KLRF1: variants seen among roughly 807,000 people sequenced by gnomAD.
The protein encoded by KLRF1 is killer cell lectin like receptor F1.
In KLRF1, 27 loss-of-function variants were observed where a neutral mutation model predicts 30.7. The observed-to-expected ratio is 0.88, with a 90% CI of 0.65 to 1.21. The LOEUF is 1.21. KLRF1 is among the 50% of genes most tolerant of loss of function. The pLI, the probability that KLRF1 is intolerant of heterozygous loss-of-function variation, is 0.00. For missense variants in KLRF1, 246 were observed against 259.3 expected, an observed-to-expected ratio of 0.95 and a Z score of 0.35; for synonymous variants, 92 against 89.3, an observed-to-expected ratio of 1.03 and a Z score of -0.17.
chr12:9,836,740 T>C (rs1358429967), intron 3 of KLRF1, among the ~76,000 whole-genome samples: 1 of 152,120 alleles, frequency 6.6e-6, no homozygotes, highest in Non-Finnish European at 1.5e-5. Context: ...GTTTTACAGG[T>C]ATATTTCCCA....
chr12:9,806,046 C>T, the KLRF1 span, among the ~76,000 whole-genome samples: 8 of 151,412 alleles, frequency 5.3e-5, no homozygotes, highest in South Asian at 4.2e-4. Flanking sequence ...CTTTCTTTTT[C>T]CCTTCTTTCT....
At chr12:9,823,898 C>G (rs147939285), upstream of KLRF1, among the ~76,000 whole-genome samples, 1 of 152,178 alleles carries the variant, frequency 6.6e-6, no homozygotes, top group African/African-American at 2.4e-5. Flanking sequence ...TAGATAAATT[C>G]CTGGACACAT....
chr12:9,823,094 C>T (rs1179428107), upstream of KLRF1, among the ~76,000 whole-genome samples: 1 of 151,868 alleles, frequency 6.6e-6, no homozygotes, highest in African/African-American at 2.4e-5. Flanking sequence ...GACATTGGAC[C>T]AAATGGATTT....
upstream of KLRF1, among the ~76,000 whole-genome samples, chr12:9,824,648 C>T (rs1409687328): frequency 6.6e-6 from 1 of 152,048 alleles, no homozygotes. Context: ...TGAAGGGCAT[C>T]CAAATAGGAA....
At position 9,834,269 on chromosome 12, in the gene KLRF1, G is replaced by C. The variant is rs7957260; in HGVS notation, c.334+817G>C. On this transcript the variant is annotated intron_variant, in intron 3 of 5. Transcript: ENST00000617889. ...TTTTGTGATTCTTCAGTTACTTCAG[G>C]CCATCTGGGCGTATATACGTTCAGG... Among the ~76,000 whole-genome samples the C allele has an allele frequency of 7.1e-3, 1,085 of 152,148 alleles. 17 individuals carry two copies. The highest frequency in any genetic ancestry group is 0.023 in the African/African-American group (970 of 41,520).
chr12:9,821,253 C>T, the KLRF1 span, among the ~76,000 whole-genome samples: 19 of 152,216 alleles, frequency 1.2e-4, no homozygotes, highest in Middle Eastern at 0.014. Flanking sequence ...ACCCCCATGG[C>T]TGAACACTTC....
chr12:9,800,415 A>G, the KLRF1 span, among the ~76,000 whole-genome samples: 1 of 152,060 alleles, frequency 6.6e-6, no homozygotes, highest in East Asian at 1.9e-4. Context: ...CAATCACCCA[A>G]GTAGTGCACT....
chr12:9,819,448 C>A, the KLRF1 span, among the ~76,000 whole-genome samples: 5 of 152,148 alleles, frequency 3.3e-5, no homozygotes, highest in Non-Finnish European at 7.4e-5. Flanking sequence ...TGTTTTGCAG[C>A]CTTAGCCATT....
chr12:9,842,396 T>G lies in KLRF1; in HGVS notation c.550T>G (p.Trp184Gly), dbSNP rs760984311. Reference protein sequence around the residue: ...GLNFTSLKMTWTWVDGSPIDS... With the variant: ...GLNFTSLKMTGTWVDGSPIDS... ...TAACTTTACCTCCTTGAAAATGACATGGACTTGGGTGGATGGTTCTCCAAT... is the reference window on the plus strand; with the variant it reads ...TAACTTTACCTCCTTGAAAATGACAGGGACTTGGGTGGATGGTTCTCCAAT... The change falls in exon 5 of 6, where the codon TGG becomes GGG. Residue 184 changes from tryptophan to glycine, a missense_variant. Trp to Gly is a radical substitution (Grantham distance 184). Coordinates refer to ENST00000617889, the MANE Select transcript of KLRF1 (RefSeq NM_016523.3). The G allele has an allele frequency of 6.2e-7, 1 of 1,612,494 alleles. No homozygotes were observed. Among genetic ancestry groups the G allele is most frequent in the African/African-American group, 1.3e-5 (1 of 74,948 alleles).
At chr12:9,819,423 G>C in the KLRF1 span, among the ~76,000 whole-genome samples, 1 of 152,150 alleles carries the variant, frequency 6.6e-6, no homozygotes, top group Admixed American at 6.5e-5. Flanking sequence ...AGGAGGGGCT[G>C]GACATCATTT....
chr12:9,836,606 A>G (rs867261809), intron 3 of KLRF1, among the ~76,000 whole-genome samples: 2 of 152,174 alleles, frequency 1.3e-5, no homozygotes, highest in Non-Finnish European at 2.9e-5. Context: ...AGATAAATGT[A>G]TAATTATTAT....
chr12:9,813,361 C>T, the KLRF1 span, among the ~76,000 whole-genome samples: 1 of 151,900 alleles, frequency 6.6e-6, no homozygotes, highest in East Asian at 1.9e-4. Flanking sequence ...GGCTGGAGTG[C>T]GGTGGTATGA....
the KLRF1 span, among the ~76,000 whole-genome samples, chr12:9,807,516 C>A: frequency 6.6e-6 from 1 of 152,096 alleles, no homozygotes; most frequent in Non-Finnish European, 1.5e-5. Flanking sequence ...ATTTGTTATA[C>A]ACTCAACATT....
the KLRF1 span, among the ~76,000 whole-genome samples, chr12:9,807,310 G>C: frequency 6.6e-6 from 1 of 151,924 alleles, no homozygotes; most frequent in Non-Finnish European, 1.5e-5. Flanking sequence ...TTTTAAAAAA[G>C]AAAACAAGTA....
At chr12:9,841,399 C>T (rs892858900) in intron 3 of KLRF1, among the ~76,000 whole-genome samples, 1 of 151,964 alleles carries the variant, frequency 6.6e-6, no homozygotes, top group Non-Finnish European at 1.5e-5. Context: ...ATCTCTACAT[C>T]AAACCCCCAT....
the KLRF1 span, among the ~76,000 whole-genome samples, chr12:9,801,531 A>G: frequency 6.6e-6 from 1 of 151,874 alleles, no homozygotes; most frequent in Non-Finnish European, 1.5e-5. Context: ...CTTTTTAATA[A>G]TCGCCATTCT....
At chr12:9,818,933 C>T in the KLRF1 span, among the ~76,000 whole-genome samples, 1 of 152,168 alleles carries the variant, frequency 6.6e-6, no homozygotes, top group Non-Finnish European at 1.5e-5. Flanking sequence ...TGGGATTCAT[C>T]AAGAAAACAA....
chr12:9,828,485 T>C lies in KLRF1; in HGVS notation c.85+856T>C, dbSNP rs78799666. On this transcript the variant is annotated intron_variant, in intron 1 of 5. Coordinates refer to ENST00000617889, the MANE Select transcript of KLRF1 (RefSeq NM_016523.3). ...AGCAATCAACATTTTAATTTGCTAC[T>C]TCAAGCATACCCTCCATACACAATG... 7.7e-3 allele frequency among the ~76,000 whole-genome samples: 1,179 copies of C among 152,308 alleles called. 20 individuals are homozygous for C. The highest frequency in any genetic ancestry group is 0.025 in the African/African-American group (1,056 of 41,548).
At chr12:9,843,328 C>T (rs1867745065) in intron 5 of KLRF1, among the ~76,000 whole-genome samples, 1 of 152,160 alleles carries the variant, frequency 6.6e-6, no homozygotes, top group South Asian at 2.1e-4. Flanking sequence ...TTCTGATACT[C>T]ATAGGTGTAA....
Sources: gnomAD v4.1 joint callset for allele counts (sites outside exome capture counted in the v4.1 genomes callset) on GRCh38, gnomAD v4.1.1 for gene constraint, MANE v1.5 for transcripts, NCBI Gene and HGNC (gene_info 2026-07-23, HGNC 2026-07-21) for gene names.